The following CFAP92 variants were observed in gnomAD, a reference collection of about 807,000 sequenced individuals.
CFAP92 encodes uncharacterized protein CFAP92.
A neutral mutation model predicts 106.3 loss-of-function variants in CFAP92; 86 were observed. The ratio of observed to expected loss-of-function variants is 0.81; its 90% CI spans 0.68 to 0.97. The LOEUF (loss-of-function observed/expected upper bound fraction) is 0.97, where lower values mean the gene tolerates loss of function less well. Among genes scored for constraint, CFAP92 ranks in the 50% least tolerant of loss-of-function variants. CFAP92 has a pLI of 0.00. For synonymous variants in CFAP92, 477 were observed against 506.4 expected, an observed-to-expected ratio of 0.94 and a Z score of 0.78; for missense variants, 1,204 against 1,283.8, an observed-to-expected ratio of 0.94 and a Z score of 0.95.
rs1469515497 is a variant in CFAP92, at chr3:128,935,275, G to A, written c.2303C>T (p.Ser768Leu). The A allele has an allele frequency of 6.5e-7, 1 of 1,535,782 alleles. No individual in the cohort carries two copies. The highest frequency in any genetic ancestry group is 8.7e-7 in the Non-Finnish European group (1 of 1,146,642). Residue 768 changes from serine to leucine, a missense_variant, in exon 11 of 16, where the codon TCA becomes TTA. Ser to Leu is a moderately radical substitution (Grantham distance 145). Coordinates refer to ENST00000645291, the MANE Select transcript of CFAP92 (RefSeq NM_001394090.1). ...GAGCCGGCTGCGGAACAGCAGCTGT[G>A]AGTTGTACAGCACCTTGTATTTCCT... The part of the protein sequence containing the change: ...EHRKYKVLYN[S>L]QLLFRSRLYG...
At chr3:129,025,183 C>T in the CFAP92 span, among the ~76,000 whole-genome samples, 16 of 152,266 alleles carry the variant, frequency 1.1e-4, 1 homozygote, top group Admixed American at 4.6e-4. Context: ...AGTAGGAAGT[C>T]ATGGGCACGC....
intron 12 of CFAP92, among the ~76,000 whole-genome samples, chr3:128,917,156 GAGA>G (rs1226933089): frequency 2.0e-5 from 3 of 152,336 alleles, no homozygotes; most frequent in African/African-American, 7.2e-5. Context: ...GAGCACCTGC[GAGA>G]AGATTATACT....
chr3:128,997,762 T>A (rs1221393688), upstream of CFAP92, among the ~76,000 whole-genome samples: 1 of 152,224 alleles, frequency 6.6e-6, no homozygotes, highest in East Asian at 1.9e-4. Flanking sequence ...AACGTTGCTA[T>A]GAACATTCCC....
the CFAP92 span, among the ~76,000 whole-genome samples, chr3:129,013,594 C>G: frequency 6.6e-6 from 1 of 152,220 alleles, no homozygotes. Flanking sequence ...CCATCAGAAA[C>G]ACTTTCTCTT....
intron 15 of CFAP92, among the ~76,000 whole-genome samples, chr3:128,912,185 C>T (rs1300444182): frequency 6.6e-6 from 1 of 152,170 alleles, no homozygotes; most frequent in East Asian, 1.9e-4. Context: ...AGGTTATGTG[C>T]TGTGGAGGGT....
At chr3:128,915,854 A>C (rs576771085) in intron 13 of CFAP92, 3 of 467,740 alleles carry the variant, frequency 6.4e-6, no homozygotes, top group Admixed American at 3.8e-5. Flanking sequence ...CCCAGAGGTA[A>C]GGATGCTACA....
At chr3:129,012,463 T>C in the CFAP92 span, among the ~76,000 whole-genome samples, 1 of 152,110 alleles carries the variant, frequency 6.6e-6, no homozygotes, top group African/African-American at 2.4e-5. Flanking sequence ...CTGCTCCACA[T>C]AGCTGGGAAC....
At chr3:128,950,841 G>A (rs147553274) in intron 9 of CFAP92, among the ~76,000 whole-genome samples, 2 of 152,154 alleles carry the variant, frequency 1.3e-5, no homozygotes, top group Non-Finnish European at 2.9e-5. Flanking sequence ...CCTCCCAAAG[G>A]GAAAGCAGGC....
chr3:128,945,687 T>C lies in CFAP92; in HGVS notation c.1642A>G (p.Thr548Ala), dbSNP rs974954910. The C allele has an allele frequency of 3.9e-6, 6 of 1,536,048 alleles. No homozygotes were observed. The highest frequency in any genetic ancestry group is 5.2e-6 in the Non-Finnish European group (6 of 1,146,900). The change falls in exon 10 of 16, where the codon ACA (threonine) becomes GCA (alanine). Residue 548 changes from threonine to alanine, a missense_variant. By Grantham distance (58) the Thr-to-Ala change is moderately conservative (BLOSUM62 0). Coordinates refer to ENST00000645291, the MANE Select transcript of CFAP92 (RefSeq NM_001394090.1). ...NFQALISPRE[T>A]ENNPFESQNK... ...TGGGACTCAAAGGGGTTGTTCTCTG[T>C]CTCTCTGGGAGAGATGAGGGCCTGG... is the stretch of plus-strand genomic sequence containing the variant.
At chr3:128,960,492 C>T (rs1307547014) in intron 9 of CFAP92, among the ~76,000 whole-genome samples, 3 of 152,248 alleles carry the variant, frequency 2.0e-5, no homozygotes, top group Admixed American at 6.5e-5. Flanking sequence ...TTCAATCTCT[C>T]CCTTAATTTC....
chr3:129,001,703 G>A, intron 1 of CFAP92: 1 of 1,503,870 alleles, frequency 6.6e-7, no homozygotes, highest in South Asian at 1.3e-5. Context: ...GACCTGCGCG[G>A]CGCACGCAGT....
chr3:128,987,576 C>T, intron 4 of CFAP92, 40 bp downstream of exon 4: 2 of 1,567,064 alleles, frequency 1.3e-6, no homozygotes, highest in Non-Finnish European at 1.8e-6. Context: ...AGTGAGTAAG[C>T]CCCAGGCTTC....
In CFAP92 at chr3:128,988,554, A is replaced by T. The variant is rs1944007408; in HGVS notation, c.453+174T>A. On this transcript the variant is annotated intron_variant, in intron 3 of 15. Transcript: ENST00000645291. The stretch of plus-strand genomic sequence containing the variant: ...GACTCTGACTCAACAAAAAAAAAAA[A>T]GTCAGTAATTGGAATGATCAGGCCA... Among the ~76,000 whole-genome samples, 4 of 152,104 alleles carry T rather than the reference A, an allele frequency of 2.6e-5. No individual in the cohort carries two copies. The South Asian group carries it at 8.3e-4, about 32-fold the overall frequency.
chr3:128,933,921 A>G (rs1014844721), intron 11 of CFAP92, among the ~76,000 whole-genome samples: 1 of 151,742 alleles, frequency 6.6e-6, no homozygotes, highest in African/African-American at 2.4e-5. Flanking sequence ...TCATTAATAC[A>G]TCCAGCAAGC....
At chr3:128,938,196 C>T (rs1203607979) in intron 10 of CFAP92, among the ~76,000 whole-genome samples, 1 of 152,052 alleles carries the variant, frequency 6.6e-6, no homozygotes, top group African/African-American at 2.4e-5. Flanking sequence ...CGCACCACTG[C>T]ACTCCAGCCT....
intron 2 of CFAP92, chr3:128,991,743 T>C (rs1235056067): frequency 2.0e-6 from 2 of 1,020,096 alleles, no homozygotes; most frequent in East Asian, 2.1e-4. Context: ...CCTCGTGTTG[T>C]CTGTTGGTGC....
At chr3:128,988,995 C>T in intron 2 of CFAP92, 77 bp from the exon 3 acceptor site, 2 of 1,166,372 alleles carry the variant, frequency 1.7e-6, no homozygotes, top group Non-Finnish European at 2.4e-6. Context: ...TTCCCTGGAG[C>T]TTGATGTTGT....
At chr3:128,971,126 T>C (rs1942759490) in intron 8 of CFAP92, 161 bp downstream of exon 8, 2 of 1,103,828 alleles carry the variant, frequency 1.8e-6, no homozygotes, top group Non-Finnish European at 2.6e-6. Context: ...GGCCTTTGTT[T>C]CCCCCTGTAC....
intron 12 of CFAP92, among the ~76,000 whole-genome samples, chr3:128,929,788 A>C (rs1245154284): frequency 1.3e-5 from 2 of 152,252 alleles, no homozygotes; most frequent in Non-Finnish European, 2.9e-5. Flanking sequence ...GATTGACTGT[A>C]AACTAGCATG....
Sources: gnomAD v4.1 joint callset for allele counts (sites outside exome capture counted in the v4.1 genomes callset) on GRCh38, gnomAD v4.1.1 for gene constraint, MANE v1.5 for transcripts, NCBI Gene and HGNC (gene_info 2026-07-23, HGNC 2026-07-21) for gene names.